ADGRL3: variants seen among roughly 807,000 people sequenced by gnomAD.
ADGRL3 encodes the protein calcium-independent alpha-latrotoxin receptor 3.
Under a neutral mutation model 153.5 loss-of-function variants are expected in ADGRL3, and 62 were observed. The ratio of observed to expected loss-of-function variants is 0.40; its 90% CI spans 0.33 to 0.50. The LOEUF (loss-of-function observed/expected upper bound fraction) is 0.50, where lower values mean the gene tolerates loss of function less well. Ranked by LOEUF, ADGRL3 falls within the 20% of genes least tolerant of loss-of-function variation. The pLI, the probability that ADGRL3 is intolerant of heterozygous loss-of-function variation, is 0.47. For synonymous variants in ADGRL3, 710 were observed against 672.5 expected (o/e 1.06, Z -0.86); for missense variants, 1,641 against 1,859.4 (o/e 0.88, Z 2.16).
Position 61,517,423 on chromosome 4 carries a change from C to G in ADGRL3, c.164C>G (p.Ala55Gly), listed in dbSNP as rs1465769168. The change falls in exon 4 of 27, where the codon GCA (alanine) becomes GGA (glycine). Residue 55 changes from alanine to glycine, a missense_variant. Physicochemically the swap from Ala to Gly is moderately conservative, Grantham distance 60 (BLOSUM62 0). Around this residue, in one of 5 missense-constraint regions of ADGRL3, gnomAD observed 145 missense variants for 79.1 expected, o/e 1.83. Transcript: ENST00000683033. ...AGACATCTGCTTCAGCAGCCAGCTG[C>G]AGAGCGCACCGCTGCTCATCGTGGA... ...PPRHLLQQPA[A>G]ERTAAHRGQG... The G allele has an allele frequency of 2.5e-6, 2 of 791,062 alleles. No individual in the cohort carries two copies. The highest frequency in any genetic ancestry group is 4.3e-6 in the Non-Finnish European group (2 of 465,552). The allele number at this position is 791,062 out of a possible 1,614,324, so 49.0% of individuals were successfully genotyped here.
At chr4:61,839,199 T>A (rs1410221128) in intron 9 of ADGRL3, among the ~76,000 whole-genome samples, 2 of 152,112 alleles carry the variant, frequency 1.3e-5, no homozygotes. Flanking sequence ...GTTTTGTTTT[T>A]CTTTTTTTGA....
At chr4:61,369,701 T>G (rs953349629) in intron 1 of ADGRL3, among the ~76,000 whole-genome samples, 11 of 152,130 alleles carry the variant, frequency 7.2e-5, no homozygotes, top group African/African-American at 2.7e-4. Context: ...CCTTTTTGGT[T>G]GTGTCTCTGC....
At chr4:61,360,550 A>G (rs978574726) in intron 1 of ADGRL3, among the ~76,000 whole-genome samples, 1 of 152,190 alleles carries the variant, frequency 6.6e-6, no homozygotes, top group African/African-American at 2.4e-5. Flanking sequence ...TTATTTAATA[A>G]AATATTTTCT....
chr4:61,562,981 A>T (rs1202730895), intron 4 of ADGRL3, among the ~76,000 whole-genome samples: 3 of 151,444 alleles, frequency 2.0e-5, no homozygotes, highest in African/African-American at 7.3e-5. Context: ...TCATTAAATC[A>T]TGAATTATTC....
At chr4:61,425,861 C>T (rs1022351389) in intron 2 of ADGRL3, among the ~76,000 whole-genome samples, 1 of 152,248 alleles carries the variant, frequency 6.6e-6, no homozygotes, top group Non-Finnish European at 1.5e-5. Flanking sequence ...AATGGGCCTT[C>T]GAGAGTCCAT....
chr4:61,532,439 T>C (rs2098624822), intron 4 of ADGRL3, among the ~76,000 whole-genome samples: 1 of 152,006 alleles, frequency 6.6e-6, no homozygotes, highest in Non-Finnish European at 1.5e-5. Flanking sequence ...TTTTCAGAAA[T>C]AGTTTCTCTG....
intron 6 of ADGRL3, among the ~76,000 whole-genome samples, chr4:61,715,023 T>G (rs2096077825): frequency 6.6e-6 from 1 of 152,206 alleles, no homozygotes; most frequent in Non-Finnish European, 1.5e-5. Context: ...TTTAGTATTA[T>G]GAAAATATTA....
chr4:61,421,110 G>A (rs975250163), intron 2 of ADGRL3, among the ~76,000 whole-genome samples: 4 of 152,022 alleles, frequency 2.6e-5, no homozygotes, highest in Non-Finnish European at 4.4e-5. Flanking sequence ...CGAGGTGGGC[G>A]GATCACGAGG....
At chr4:61,680,071 C>G (rs1350611336) in intron 6 of ADGRL3, among the ~76,000 whole-genome samples, 1 of 151,962 alleles carries the variant, frequency 6.6e-6, no homozygotes, top group Non-Finnish European at 1.5e-5. Context: ...ACTACTTGCA[C>G]TTTAGAATGA....
At chr4:61,857,725 TC>T (rs2098293690) in intron 9 of ADGRL3, among the ~76,000 whole-genome samples, 1 of 126,430 alleles carries the variant, frequency 7.9e-6, no homozygotes, top group African/African-American at 4.3e-5. Context: ...CTTTCTTTCT[TC>T]TCTCTTTCTT....
chr4:61,543,606 C>G (rs938416140), intron 4 of ADGRL3, among the ~76,000 whole-genome samples: 1 of 152,168 alleles, frequency 6.6e-6, no homozygotes, highest in Non-Finnish European at 1.5e-5. Context: ...AATACATTCT[C>G]TTCTTCCATT....
At chr4:62,057,417 TG>T (rs1737628749) in intron 25 of ADGRL3, among the ~76,000 whole-genome samples, 1 of 152,160 alleles carries the variant, frequency 6.6e-6, no homozygotes, top group South Asian at 2.1e-4. Flanking sequence ...TCACAATTTT[TG>T]TATCAGTCTA....
chr4:61,909,560 T>C lies in ADGRL3; in HGVS notation c.1888T>C (p.Leu630=). The change falls in exon 12 of 27, where the codon TTG becomes CTG. Residue 630 remains leucine (L), a splice_region_variant and synonymous_variant. Coordinates refer to ENST00000683033, the MANE Select transcript of ADGRL3 (RefSeq NM_001387552.1). ...TTTGTATTCCATTTAAAAATTATAG[T>C]TGAAATCTGGTGAAACAGCTGCCAA... ...SPWVNHITQK[L]KSGETAANIA... The C allele has an allele frequency of 6.2e-7, 1 of 1,609,054 alleles. No homozygotes were observed. The highest frequency in any genetic ancestry group is 8.5e-7 in the Non-Finnish European group (1 of 1,177,648).
At position 62,071,481 on chromosome 4, in the gene ADGRL3, T is replaced by C. The variant is rs1745641940; in HGVS notation, c.*573T>C. 5.8e-6 allele frequency: 1 copy of C among 172,044 alleles called. No homozygotes were observed. The highest frequency in any genetic ancestry group is 6.1e-5 in the Admixed American group (1 of 16,358). The allele number at this position is 172,044 out of a possible 1,614,324, so 10.7% of individuals were successfully genotyped here. On this transcript the variant is annotated 3_prime_UTR_variant, in exon 27 of 27. Transcript: ENST00000683033. ...AATGGAGGGGAATTCTAGAATTATA[T>C]GCTAAATGCATATTTTATGATTTGC...
intron 5 of ADGRL3, among the ~76,000 whole-genome samples, chr4:61,654,233 GATA>G (rs2094368953): frequency 6.6e-6 from 1 of 152,036 alleles, no homozygotes; most frequent in African/African-American, 2.4e-5. Context: ...TAATATCTCT[GATA>G]GTGGAAATGT....
chr4:61,847,582 G>A (rs1382988957), intron 9 of ADGRL3, among the ~76,000 whole-genome samples: 1 of 104,584 alleles, frequency 9.6e-6, no homozygotes, highest in Non-Finnish European at 1.8e-5. Context: ...AAGTGTGTGT[G>A]TGTGTATATA....
intron 4 of ADGRL3, among the ~76,000 whole-genome samples, chr4:61,561,513 G>A (rs1003611153): frequency 2.0e-5 from 3 of 152,040 alleles, no homozygotes; most frequent in African/African-American, 7.3e-5. Flanking sequence ...AAATGATTCA[G>A]GGGGCTGGGG....
Position 62,044,508 on chromosome 4 carries a change from T to C in ADGRL3, c.3773T>C (p.Phe1258Ser). ...GTTCGAAAGCAGTCAGAGTCTTCCTTTATTACTGGAGACATAAACAGTTCA... is the reference window on the plus strand; with the variant it reads ...GTTCGAAAGCAGTCAGAGTCTTCCTCTATTACTGGAGACATAAACAGTTCA... Reference protein sequence around the residue: ...DTVRKQSESSFITGDINSSAS... With the variant: ...DTVRKQSESSSITGDINSSAS... The change falls in exon 25 of 27, where the codon TTT (phenylalanine) becomes TCT (serine). Residue 1258 changes from phenylalanine to serine, a missense_variant. Around this residue, in one of 5 missense-constraint regions of ADGRL3, gnomAD observed 517 missense variants for 555.0 expected, o/e 0.93. Coordinates refer to ENST00000683033, the MANE Select transcript of ADGRL3 (RefSeq NM_001387552.1). 1 of 1,597,900 alleles carries C rather than the reference T, an allele frequency of 6.3e-7. No individual in the cohort carries two copies. Among genetic ancestry groups the C allele is most frequent in the East Asian group, 2.3e-5 (1 of 44,142 alleles).
Position 61,748,673 on chromosome 4 carries a change from C to G in ADGRL3, c.1399+15119C>G, listed in dbSNP as rs1418910203. ...GCTAGCCATATGTAGAAAGCTGAAACTGGATCACTTCCTTACACCTTATAC... is the reference window on the plus strand; with the variant it reads ...GCTAGCCATATGTAGAAAGCTGAAAGTGGATCACTTCCTTACACCTTATAC... On this transcript the variant is annotated intron_variant, in intron 8 of 26. Coordinates refer to ENST00000683033, the MANE Select transcript of ADGRL3 (RefSeq NM_001387552.1). Among the ~76,000 whole-genome samples, 3 of 152,104 alleles carry G rather than the reference C, an allele frequency of 2.0e-5. 1 individual carries two copies. Among genetic ancestry groups the G allele is most frequent in the South Asian group, 4.1e-4 (2 of 4,828 alleles).
Sources: allele counts gnomAD v4.1 joint callset (sites outside exome capture counted in the v4.1 genomes callset), GRCh38; gene constraint gnomAD v4.1.1; regional missense constraint gnomAD v4.1.1; transcripts MANE v1.5; gene names NCBI Gene and HGNC (gene_info 2026-07-23, HGNC 2026-07-21).